SSBP2: variants seen among roughly 807,000 people sequenced by gnomAD.
SSBP2 encodes the protein single-stranded DNA-binding protein 2.
In SSBP2, 17 loss-of-function variants were observed where a neutral mutation model predicts 61.8. That is an observed-to-expected ratio of 0.28 (90% CI 0.19 to 0.41). The LOEUF is 0.41. Among genes scored for constraint, SSBP2 ranks in the 10% least tolerant of loss-of-function variants. The probability of loss-of-function intolerance (pLI) is 1.00; values close to 1 mark genes in which losing one functional copy is unlikely to be tolerated. For synonymous variants in SSBP2, 139 were observed against 141.3 expected, an observed-to-expected ratio of 0.98 and a Z score of 0.12; for missense variants, 310 against 458.7, an observed-to-expected ratio of 0.68 and a Z score of 2.96.
intron 8 of SSBP2, among the ~76,000 whole-genome samples, chr5:81,471,419 GAATA>G (rs1765237526): frequency 6.6e-6 from 1 of 151,710 alleles, no homozygotes; most frequent in Non-Finnish European, 1.5e-5. Flanking sequence ...AAAAATAAGT[GAATA>G]AATAATAATA....
chr5:81,660,858 G>A (rs893375193), intron 1 of SSBP2, among the ~76,000 whole-genome samples: 5 of 152,116 alleles, frequency 3.3e-5, no homozygotes, highest in African/African-American at 1.2e-4. Flanking sequence ...TTCTCTGCAG[G>A]GACATGGATG....
chr5:81,622,046 T>C (rs111668085), intron 3 of SSBP2, among the ~76,000 whole-genome samples: 14 of 147,354 alleles, frequency 9.5e-5, no homozygotes, highest in Middle Eastern at 3.4e-3. Context: ...GCATGGCACA[T>C]GTATACATAT....
chr5:81,469,141 G>C (rs954805419), intron 8 of SSBP2, among the ~76,000 whole-genome samples: 1 of 151,936 alleles, frequency 6.6e-6, no homozygotes, highest in Non-Finnish European at 1.5e-5. Flanking sequence ...GACATAGGTA[G>C]ACAATGGTTT....
chr5:81,700,046 C>T (rs1435207868), intron 1 of SSBP2, among the ~76,000 whole-genome samples: 2 of 151,954 alleles, frequency 1.3e-5, no homozygotes. Flanking sequence ...GAAGTTTCTC[C>T]ATGTTGCCCA....
At chr5:81,466,907 T>A (rs1212852316) in intron 9 of SSBP2, 67 bp downstream of exon 9, 1 of 945,248 alleles carries the variant, frequency 1.1e-6, no homozygotes, top group Non-Finnish European at 1.5e-6. Flanking sequence ...TAGAATAATA[T>A]GGTATTATTT....
rs1761232259 is a variant in SSBP2 at position 81,414,371 on chromosome 5, A to G, written c.*6133T>C. 1 of 152,178 alleles carries G rather than the reference A, an allele frequency of 6.6e-6. No homozygotes were observed. Among genetic ancestry groups the G allele is most frequent in the African/African-American group, 2.4e-5 (1 of 41,446 alleles). 9.4% of individuals were successfully genotyped at this position (152,178 alleles called of 1,614,324 possible). On this transcript the variant is annotated 3_prime_UTR_variant, in exon 17 of 17. Transcript: ENST00000320672. ...CTATTCAAGAAAACCAATTATACTA[A>G]GTTAACAGGGAAAATTTAACAGAGG...
At chr5:81,539,423 A>T (rs181033396) in intron 4 of SSBP2, among the ~76,000 whole-genome samples, 1 of 152,244 alleles carries the variant, frequency 6.6e-6, no homozygotes, top group African/African-American at 2.4e-5. Flanking sequence ...CGATTACAAA[A>T]GATTTAGAAT....
chr5:81,683,951 A>G (rs540178522), intron 1 of SSBP2, among the ~76,000 whole-genome samples: 1 of 152,342 alleles, frequency 6.6e-6, no homozygotes, highest in African/African-American at 2.4e-5. Flanking sequence ...TGACACCACC[A>G]AATGCTGACA....
chr5:81,511,002 C>T (rs1768562037), intron 5 of SSBP2, among the ~76,000 whole-genome samples: 1 of 152,090 alleles, frequency 6.6e-6, no homozygotes, highest in Admixed American at 6.6e-5. Flanking sequence ...GCTTCATCAC[C>T]AGCTACTCTC....
At chr5:81,537,039 T>G (rs116124674) in intron 4 of SSBP2, among the ~76,000 whole-genome samples, 22 of 152,226 alleles carry the variant, frequency 1.4e-4, no homozygotes, top group African/African-American at 4.8e-4. Context: ...GATTTCTGTT[T>G]TAGGAAAGAT....
chr5:81,615,592 A>G lies in SSBP2; in HGVS notation c.198-35T>C, dbSNP rs779466289. The G allele has an allele frequency of 3.8e-6, 5 of 1,328,314 alleles. No individual in the cohort carries two copies. The Admixed American group carries it at 9.0e-5, about 24-fold the overall frequency. The allele number at this position is 1,328,314 out of a possible 1,614,324, so 82.3% of individuals were successfully genotyped here. A position where few individuals can be genotyped will look rare whatever the true frequency, so the allele number is the denominator to read the frequency against. On this transcript the variant is annotated intron_variant, in intron 3 of 16. Coordinates refer to ENST00000320672, the MANE Select transcript of SSBP2 (RefSeq NM_012446.5). ...TAATCATGGTAACATTAAGAAAATC[A>G]TACAACACCAATATGAGAAATCACA...
chr5:81,464,233 G>T (rs1764742607), intron 9 of SSBP2, among the ~76,000 whole-genome samples: 2 of 151,836 alleles, frequency 1.3e-5, no homozygotes, highest in South Asian at 4.2e-4. Context: ...TTGAGTTAGG[G>T]GTGCTTTAAT....
intron 1 of SSBP2, among the ~76,000 whole-genome samples, chr5:81,685,191 C>A (rs1409552616): frequency 6.6e-6 from 1 of 152,132 alleles, no homozygotes; most frequent in Non-Finnish European, 1.5e-5. Context: ...CCTGTTAAGT[C>A]TGCAGATCTG....
rs116514798 is a variant in SSBP2, at chr5:81,729,654, C to A, written c.62+21327G>T. Among the ~76,000 whole-genome samples the A allele has an allele frequency of 6.4e-3, 968 of 152,176 alleles. 15 individuals carry two copies. The highest frequency in any genetic ancestry group is 0.022 in the African/African-American group (927 of 41,546). ...ACACTATGAGTATTAGGTTGTGATTCATAAAATGAACATGTTTCATACTTT... is the reference window on the plus strand; with the variant it reads ...ACACTATGAGTATTAGGTTGTGATTAATAAAATGAACATGTTTCATACTTT... On this transcript the variant is annotated intron_variant, in intron 1 of 16. Coordinates refer to ENST00000320672, the MANE Select transcript of SSBP2 (RefSeq NM_012446.5).
At chr5:81,489,428 T>C in intron 5 of SSBP2, 119 bp from the exon 6 acceptor site, 2 of 801,252 alleles carry the variant, frequency 2.5e-6, no homozygotes, top group South Asian at 2.0e-5. Context: ...CAATGTACTT[T>C]GAGGCTGCTT....
intron 4 of SSBP2, among the ~76,000 whole-genome samples, chr5:81,606,599 A>G (rs938631415): frequency 3.9e-5 from 6 of 152,230 alleles, no homozygotes; most frequent in African/African-American, 1.4e-4. Context: ...TCCTAAATAA[A>G]TAAGAATGTG....
intron 3 of SSBP2, among the ~76,000 whole-genome samples, chr5:81,624,919 C>G (rs1746986813): frequency 6.6e-6 from 1 of 151,870 alleles, no homozygotes; most frequent in South Asian, 2.1e-4. Flanking sequence ...ATACACTGCC[C>G]AAGAAAATAA....
intron 1 of SSBP2, 84 bp downstream of exon 1, chr5:81,750,897 T>C: frequency 7.0e-7 from 1 of 1,432,344 alleles, no homozygotes. Context: ...GCGGAGAGTG[T>C]CTGTGTCTCC....
chr5:81,558,581 T>C (rs1291080266), intron 4 of SSBP2, among the ~76,000 whole-genome samples: 4 of 152,238 alleles, frequency 2.6e-5, no homozygotes, highest in African/African-American at 4.8e-5. Flanking sequence ...TAAACTAAAG[T>C]TGTGTCATCA....
Sources: gnomAD v4.1 joint callset for allele counts (sites outside exome capture counted in the v4.1 genomes callset) on GRCh38, gnomAD v4.1.1 for gene constraint, MANE v1.5 for transcripts, NCBI Gene and HGNC (gene_info 2026-07-23, HGNC 2026-07-21) for gene names.